Variants in FAF1 observed in about 807,000 individuals in gnomAD.
FAF1 encodes Fas associated factor 1.
A neutral mutation model predicts 92.5 loss-of-function variants in FAF1; 25 were observed. The ratio of observed to expected loss-of-function variants is 0.27; its 90% CI spans 0.20 to 0.38. The LOEUF (loss-of-function observed/expected upper bound fraction) is 0.38. Ranked by LOEUF, FAF1 falls within the 10% of genes least tolerant of loss-of-function variation. FAF1 has a pLI of 1.00. For synonymous variants in FAF1, 234 were observed against 273.2 expected (o/e 0.86, Z 1.42); for missense variants, 636 against 793.3 (o/e 0.80, Z 2.38).
At chr1:50,689,366 C>T (rs1254691062) in intron 7 of FAF1, among the ~76,000 whole-genome samples, 2 of 152,044 alleles carry the variant, frequency 1.3e-5, no homozygotes, top group Non-Finnish European at 1.5e-5. Flanking sequence ...GGGTGGATCA[C>T]GAGGTCAGGA....
At chr1:50,872,261 T>C (rs1167331504) in intron 1 of FAF1, among the ~76,000 whole-genome samples, 1 of 152,066 alleles carries the variant, frequency 6.6e-6, no homozygotes, top group Non-Finnish European at 1.5e-5. Flanking sequence ...GAGAAGTTGA[T>C]TCTCACCCTT....
intron 1 of FAF1, among the ~76,000 whole-genome samples, chr1:50,913,321 A>G (rs1446652729): frequency 1.3e-5 from 2 of 152,228 alleles, no homozygotes; most frequent in African/African-American, 4.8e-5. Context: ...TTTTAAACAC[A>G]TTAATTCATA....
chr1:50,877,167 T>C (rs1278525651), intron 1 of FAF1, among the ~76,000 whole-genome samples: 3 of 152,102 alleles, frequency 2.0e-5, no homozygotes, highest in East Asian at 1.9e-4. Context: ...ACCTTTACAG[T>C]GGAGAAACCT....
chr1:50,511,903 T>C (rs1195097344), intron 15 of FAF1, among the ~76,000 whole-genome samples: 1 of 152,134 alleles, frequency 6.6e-6, no homozygotes, highest in Non-Finnish European at 1.5e-5. Context: ...CTCTGTAGTA[T>C]CTATTGTTCC....
chr1:50,586,328 T>C (rs1340959999), intron 9 of FAF1, among the ~76,000 whole-genome samples: 2 of 152,140 alleles, frequency 1.3e-5, no homozygotes, highest in Non-Finnish European at 2.9e-5. Context: ...ACCTGGGGTA[T>C]AGCCAGAGGA....
chr1:50,908,035 A>T (rs887463691), intron 1 of FAF1, among the ~76,000 whole-genome samples: 1 of 152,208 alleles, frequency 6.6e-6, no homozygotes, highest in African/African-American at 2.4e-5. Context: ...CTCTACACAC[A>T]GCTTTAAAAG....
chr1:50,464,330 G>A (rs866286744), intron 18 of FAF1, among the ~76,000 whole-genome samples: 3 of 152,044 alleles, frequency 2.0e-5, no homozygotes, highest in African/African-American at 4.8e-5. Flanking sequence ...TATATCCAGC[G>A]CAAAGGTGGT....
chr1:50,481,169 G>A (rs1646699753), intron 17 of FAF1, among the ~76,000 whole-genome samples: 1 of 152,114 alleles, frequency 6.6e-6, no homozygotes, highest in African/African-American at 2.4e-5. Flanking sequence ...AAAAGTTATA[G>A]TAAGCTAAGG....
At chr1:50,829,891 T>G (rs1438925181) in intron 2 of FAF1, among the ~76,000 whole-genome samples, 2 of 152,216 alleles carry the variant, frequency 1.3e-5, no homozygotes, top group African/African-American at 4.8e-5. Flanking sequence ...ACTACTAGTT[T>G]GAAAGAAATT....
chr1:50,608,114 T>C (rs1224339286), intron 8 of FAF1, among the ~76,000 whole-genome samples: 1 of 152,258 alleles, frequency 6.6e-6, no homozygotes, highest in Admixed American at 6.5e-5. Flanking sequence ...ATACCTGCTT[T>C]TAATTACATG....
chr1:50,646,429 T>C (rs1184643310), intron 8 of FAF1, among the ~76,000 whole-genome samples: 1 of 152,224 alleles, frequency 6.6e-6, no homozygotes, highest in Admixed American at 6.5e-5. Context: ...GATCCTTTAG[T>C]TGTTTATTGC....
At chr1:50,824,435 T>G (rs1331965485) in intron 2 of FAF1, among the ~76,000 whole-genome samples, 1 of 152,148 alleles carries the variant, frequency 6.6e-6, no homozygotes, top group African/African-American at 2.4e-5. Context: ...TTCTCGCCTA[T>G]ATTTCTTCTT....
chr1:50,946,430 G>A (rs1208740284), intron 1 of FAF1, among the ~76,000 whole-genome samples: 1 of 152,116 alleles, frequency 6.6e-6, no homozygotes, highest in African/African-American at 2.4e-5. Flanking sequence ...TCATTAATAG[G>A]CAATAAAGTA....
intron 6 of FAF1, among the ~76,000 whole-genome samples, chr1:50,725,177 C>A (rs1658591730): frequency 6.6e-6 from 1 of 152,108 alleles, no homozygotes; most frequent in Non-Finnish European, 1.5e-5. Flanking sequence ...TGCTAAGAAC[C>A]TTAGAAGAAA....
intron 15 of FAF1, among the ~76,000 whole-genome samples, chr1:50,505,271 C>T (rs1363775939): frequency 6.6e-6 from 1 of 152,082 alleles, no homozygotes; most frequent in African/African-American, 2.4e-5. Context: ...ACAATAGGTT[C>T]CCAAATGGAC....
intron 7 of FAF1, among the ~76,000 whole-genome samples, chr1:50,701,925 A>G (rs543644920): frequency 4.5e-4 from 68 of 152,234 alleles, no homozygotes; most frequent in Non-Finnish European, 7.9e-4. Context: ...TGAAACTTGG[A>G]AGAGGATTTA....
At chr1:50,819,740 C>CGT (rs3062921) in intron 2 of FAF1, among the ~76,000 whole-genome samples, 12,415 of 27,648 alleles carry the variant, frequency 0.45, 2,676 homozygotes, top group Non-Finnish European at 0.49. Flanking sequence ...CATATATATA[C>CGT]ATATATATAT....
intron 18 of FAF1, among the ~76,000 whole-genome samples, chr1:50,448,913 T>C (rs1379218228): frequency 6.6e-6 from 1 of 150,726 alleles, no homozygotes; most frequent in Non-Finnish European, 1.5e-5. Flanking sequence ...TAGGTTTTGA[T>C]GTAACATGAT....
chr1:50,691,539 G>T (rs1032828627), intron 7 of FAF1, among the ~76,000 whole-genome samples: 1 of 152,114 alleles, frequency 6.6e-6, no homozygotes, highest in Non-Finnish European at 1.5e-5. Flanking sequence ...ACTGCATACA[G>T]CCTACCTTTT....
Sources: gnomAD v4.1 joint callset for allele counts (sites outside exome capture counted in the v4.1 genomes callset) on GRCh38, gnomAD v4.1.1 for gene constraint, MANE v1.5 for transcripts, NCBI Gene and HGNC (gene_info 2026-07-23, HGNC 2026-07-21) for gene names.